The following RHOD variants were observed in gnomAD, a reference collection of about 807,000 sequenced individuals.
RHOD encodes the protein ras homolog family member D.
In RHOD, 11 loss-of-function variants were observed where a neutral mutation model predicts 16.7. That is an observed-to-expected ratio of 0.66 (90% confidence interval 0.41 to 1.09). RHOD has a LOEUF of 1.09. Ranked by LOEUF, RHOD falls within the 50% of genes least tolerant of loss-of-function variation. RHOD has a pLI of 0.00. For synonymous variants in RHOD, 124 were observed against 126.3 expected, an observed-to-expected ratio of 0.98 and a Z score of 0.12; for missense variants, 271 against 291.7, an observed-to-expected ratio of 0.93 and a Z score of 0.52.
chr11:67,071,812 T>C lies in RHOD; in HGVS notation c.*210T>C, dbSNP rs1293827689. ...GCTCTGTGTAGGGCTCGTCCTGCGG[T>C]GCCCGAGAATCACTCGCTAACCCCT... On this transcript the variant is annotated 3_prime_UTR_variant, in exon 5 of 5. Transcript: ENST00000308831. 1 of 501,244 alleles carries C rather than the reference T, an allele frequency of 2.0e-6. No individual in the cohort carries two copies. The highest frequency in any genetic ancestry group is 2.0e-5 in the African/African-American group (1 of 49,290). The allele number at this position is 501,244 out of a possible 1,614,324, so 31.0% of individuals were successfully genotyped here. A position where few individuals can be genotyped will look rare whatever the true frequency, so the allele number is the denominator to read the frequency against.
At chr11:67,058,418 C>T (rs749494792) in intron 1 of RHOD, among the ~76,000 whole-genome samples, 1 of 152,178 alleles carries the variant, frequency 6.6e-6, no homozygotes, top group African/African-American at 2.4e-5. Context: ...CCTGGTGATC[C>T]GCCCACCTTG....
intron 1 of RHOD, among the ~76,000 whole-genome samples, chr11:67,065,233 G>A (rs1318731493): frequency 6.6e-5 from 10 of 152,138 alleles, no homozygotes; most frequent in Non-Finnish European, 1.3e-4. Context: ...GTGCCACCAC[G>A]CCTGGCTAAT....
At chr11:67,059,140 G>C (rs552308421) in intron 1 of RHOD, among the ~76,000 whole-genome samples, 2 of 152,300 alleles carry the variant, frequency 1.3e-5, no homozygotes, top group African/African-American at 4.8e-5. Flanking sequence ...GGCCAGAAAT[G>C]GGGGGAGGGC....
chr11:67,071,701 C>A lies in RHOD; in HGVS notation c.*99C>A. 1 of 1,252,130 alleles carries A rather than the reference C, an allele frequency of 8.0e-7. No homozygotes were observed. Among genetic ancestry groups the A allele is most frequent in the Non-Finnish European group, 1.1e-6 (1 of 928,242 alleles). 77.6% of individuals were successfully genotyped at this position (1,252,130 alleles called of 1,614,324 possible). On this transcript the variant is annotated 3_prime_UTR_variant, in exon 5 of 5. Transcript: ENST00000308831. ...CGGTCCCTAGGCTGTGACCGCCGAA[C>A]TCCACTGCAACAGACGGGCGCCACC...
Position 67,071,866 on chromosome 11 carries a change from G to A in RHOD, c.*264G>A. 2.4e-6 allele frequency: 1 copy of A among 413,956 alleles called. No individual in the cohort carries two copies. The highest frequency in any genetic ancestry group is 4.3e-6 in the Non-Finnish European group (1 of 234,486). The allele number at this position is 413,956 out of a possible 1,614,324, so 25.6% of individuals were successfully genotyped here. On this transcript the variant is annotated 3_prime_UTR_variant, in exon 5 of 5. Transcript: ENST00000308831. ...CCCGGTCCCGGACCGACATCCTGGA[G>A]CCGCCTGTGCAGCCTGATGCCCCCT...
chr11:67,066,281 G>A (rs1459811973), intron 2 of RHOD, among the ~76,000 whole-genome samples: 1 of 152,114 alleles, frequency 6.6e-6, no homozygotes. Context: ...GTTTCTGTAG[G>A]ATCTGTCTGT....
intron 1 of RHOD, among the ~76,000 whole-genome samples, chr11:67,058,140 C>T (rs574814410): frequency 1.3e-5 from 2 of 152,248 alleles, no homozygotes; most frequent in Admixed American, 6.5e-5. Context: ...GGATTACAGG[C>T]GCCCACCACC....
At position 67,070,552 on chromosome 11, in the gene RHOD, A is replaced by G; in HGVS notation, c.458A>G (p.Tyr153Cys). The change falls in exon 4 of 5, where the codon TAC becomes TGC. Residue 153 changes from tyrosine (Y) to cysteine (C), a missense_variant. By Grantham distance (194) the Tyr-to-Cys change is radical. Transcript: ENST00000308831. ...LRRNGLEPVT[Y>C]HRGQEMARSV... ...AGAAACGGATTGGAGCCTGTGACCT[A>G]CCACAGGGTAGGAAACCCAGCCCGA... 6.2e-7 allele frequency: 1 copy of G among 1,614,028 alleles called. No individual in the cohort carries two copies. The highest frequency in any genetic ancestry group is 1.1e-5 in the South Asian group (1 of 91,076).
intron 2 of RHOD, among the ~76,000 whole-genome samples, chr11:67,066,531 C>T (rs1434855414): frequency 2.6e-5 from 4 of 152,280 alleles, no homozygotes; most frequent in African/African-American, 7.2e-5. Context: ...CCCTTCCAGA[C>T]ATCCCACAGG....
At chr11:67,062,765 T>C (rs1854908808) in intron 1 of RHOD, among the ~76,000 whole-genome samples, 1 of 152,008 alleles carries the variant, frequency 6.6e-6, no homozygotes, top group African/African-American at 2.4e-5. Flanking sequence ...GCACCCGGCA[T>C]GGGAAGGGAA....
At chr11:67,066,012 G>GGGGGGGGGGGGC in intron 2 of RHOD, 29 bp downstream of exon 2, 1 of 581,430 alleles carries the variant, frequency 1.7e-6, no homozygotes, top group Non-Finnish European at 3.4e-6. Flanking sequence ...GGCAGGGTGG[G>GGGGGGGGGGGGC]AGGGGCTTCT....
chr11:67,068,375 G>A (rs1854985485), intron 3 of RHOD, among the ~76,000 whole-genome samples: 1 of 152,178 alleles, frequency 6.6e-6, no homozygotes, highest in Admixed American at 6.6e-5. Context: ...ACCCCAGGGA[G>A]AGGAGGAGGA....
intron 1 of RHOD, among the ~76,000 whole-genome samples, chr11:67,060,968 C>T (rs1197249683): frequency 6.6e-6 from 1 of 152,206 alleles, no homozygotes; most frequent in Admixed American, 6.5e-5. Flanking sequence ...TCAGAAGCTG[C>T]GGAGGGGCTG....
chr11:67,070,573 C>G lies in RHOD; in HGVS notation c.465+14C>G. 1 of 1,613,674 alleles carries G rather than the reference C, an allele frequency of 6.2e-7. No homozygotes were observed. Among genetic ancestry groups the G allele is most frequent in the Non-Finnish European group, 8.5e-7 (1 of 1,179,950 alleles). On this transcript the variant is annotated intron_variant, in intron 4 of 4. Transcript: ENST00000308831. ...ACCTACCACAGGGTAGGAAACCCAG[C>G]CCGAGGTGGGAGTTGGGGAGGACTG...
At position 67,071,550 on chromosome 11, in the gene RHOD, GCGGT is replaced by G. The variant is rs754575333; in HGVS notation, c.584_587del (p.Gly195AlafsTer14). 3.7e-6 allele frequency: 6 copies of G among 1,611,830 alleles called. 1 individual carries two copies. In the South Asian group the frequency reaches 6.6e-5, roughly 18 times the overall value. ...GCCGCCGAGGTGGCCCTCAGCAGCC[GCGGT>G]CGCAACTTCTGGCGGCGGATTACCC... On this transcript the variant is annotated frameshift_variant, in exon 5 of 5. Coordinates refer to ENST00000308831, the MANE Select transcript of RHOD (RefSeq NM_014578.4). LOFTEE classifies it high-confidence loss of function.
At chr11:67,058,216 G>T (rs140293787) in intron 1 of RHOD, among the ~76,000 whole-genome samples, 8 of 151,130 alleles carry the variant, frequency 5.3e-5, no homozygotes, top group African/African-American at 1.9e-4. Context: ...TCGCTCTGTC[G>T]CCAGGTTAGA....
At chr11:67,071,361 C>T (rs867731099) in intron 4 of RHOD, 74 bp from the exon 5 acceptor site, 8 of 1,429,164 alleles carry the variant, frequency 5.6e-6, no homozygotes, top group African/African-American at 1.4e-5. Context: ...CACTCTTGTC[C>T]GGGAAAAGGA....
chr11:67,064,673 A>G (rs1854936899), intron 1 of RHOD, among the ~76,000 whole-genome samples: 1 of 152,170 alleles, frequency 6.6e-6, no homozygotes, highest in South Asian at 2.1e-4. Context: ...TGAGTAGGTG[A>G]ATGAACAAAT....
chr11:67,065,782 A>T, intron 1 of RHOD, 114 bp from the exon 2 acceptor site: 1 of 677,972 alleles, frequency 1.5e-6, no homozygotes, highest in Non-Finnish European at 2.5e-6. Context: ...GAGGCTTCTC[A>T]CAAACAACTA....
Sources: allele counts gnomAD v4.1 joint callset (sites outside exome capture counted in the v4.1 genomes callset), GRCh38; gene constraint gnomAD v4.1.1; transcripts MANE v1.5; gene names NCBI Gene and HGNC (gene_info 2026-07-23, HGNC 2026-07-21).